The following KCNQ4 variants were observed in gnomAD, a reference collection of about 807,000 sequenced individuals.
KCNQ4 encodes potassium voltage-gated channel subfamily KQT member 4.
A neutral mutation model predicts 72.6 loss-of-function variants in KCNQ4; 31 were observed. The ratio of observed to expected loss-of-function variants is 0.43; its 90% CI spans 0.32 to 0.58. The LOEUF is 0.58. KCNQ4 is among the 20% of genes least tolerant of loss of function. KCNQ4 has a pLI of 0.08. For synonymous variants in KCNQ4, 405 were observed against 403.7 expected, an observed-to-expected ratio of 1.00 and a Z score of -0.04; for missense variants, 869 against 962.6, an observed-to-expected ratio of 0.90 and a Z score of 1.29.
At chr1:40,805,074 G>T (rs1381772560) in intron 1 of KCNQ4, 3 of 152,194 alleles carry the variant, frequency 2.0e-5, no homozygotes, top group African/African-American at 7.2e-5. Context: ...GTGTTGACCA[G>T]TAGTGGGATC....
Position 40,838,564 on chromosome 1 carries a change from G to T in KCNQ4, c.*41G>T, listed in dbSNP as rs1315628819. ...CAGGGCAGCACACGGCCAGCCCCGC[G>T]GCCTGGCGCTCCGACTGCCCTCTGA... On this transcript the variant is annotated 3_prime_UTR_variant, in exon 14 of 14. Coordinates refer to ENST00000347132, the MANE Select transcript of KCNQ4 (RefSeq NM_004700.4). The T allele has an allele frequency of 4.4e-6, 7 of 1,587,110 alleles. No individual in the cohort carries two copies. Among genetic ancestry groups the T allele is most frequent in the Non-Finnish European group, 6.1e-6 (7 of 1,155,792 alleles).
intron 8 of KCNQ4, among the ~76,000 whole-genome samples, chr1:40,823,710 C>T (rs1212179332): frequency 6.6e-6 from 1 of 152,228 alleles, no homozygotes; most frequent in Non-Finnish European, 1.5e-5. Flanking sequence ...CACCCTGTCA[C>T]ACCGCCCTCC....
rs750995190 is a variant in KCNQ4, at chr1:40,837,701, G to A, written c.1782G>A (p.Arg594=). The change falls in exon 13 of 14, where the codon AGG becomes AGA. Residue 594 remains arginine, a synonymous_variant. Coordinates refer to ENST00000347132, the MANE Select transcript of KCNQ4 (RefSeq NM_004700.4). ...TTGTGGGTCGGGGGCCCGGGGACAGGAAGGCCCGGGAGAAGGGCGACAAGG... is the reference window on the plus strand; with the variant it reads ...TTGTGGGTCGGGGGCCCGGGGACAGAAAGGCCCGGGAGAAGGGCGACAAGG... ...DQIVGRGPGD[R]KAREKGDKGP... 4.3e-6 allele frequency: 7 copies of A among 1,613,502 alleles called. No individual in the cohort carries two copies. In the South Asian group the frequency reaches 6.6e-5, roughly 15 times the overall value.
Position 40,824,171 on chromosome 1 carries a change from C to T in KCNQ4, c.1205C>T (p.Ala402Val), listed in dbSNP as rs201832976. ...GGLRPLEVRR[A>V]PVPDGAPSRY... ...CTACGGCCCCTGGAGGTGCGGCGGG[C>T]GCCGGTACCCGACGGAGCACCCTCC... Residue 402 changes from alanine to valine, a missense_variant, in exon 9 of 14, where the codon GCG becomes GTG. Ala to Val is a moderately conservative substitution (Grantham distance 64). Transcript: ENST00000347132. The T allele has an allele frequency of 2.1e-5, 32 of 1,556,210 alleles. No homozygotes were observed. Among genetic ancestry groups the T allele is most frequent in the East Asian group, 4.9e-5 (2 of 41,196 alleles).
chr1:40,828,055 G>A (rs1648536196), intron 9 of KCNQ4, among the ~76,000 whole-genome samples: 1 of 152,226 alleles, frequency 6.6e-6, no homozygotes, highest in South Asian at 2.1e-4. Flanking sequence ...CCATGGCAGA[G>A]GCCAGTGGCG....
chr1:40,802,390 A>G (rs1314091956), intron 1 of KCNQ4, among the ~76,000 whole-genome samples: 3 of 152,122 alleles, frequency 2.0e-5, no homozygotes, highest in Non-Finnish European at 4.4e-5. Context: ...GAAACGGAAA[A>G]AGTAGCCGGC....
rs7519431 is a variant in KCNQ4 at position 40,791,938 on chromosome 1, G to A, written c.314+7531G>A. Among the ~76,000 whole-genome samples the A allele has an allele frequency of 1.7e-3, 252 of 152,044 alleles. 4 individuals are homozygous for A. The South Asian group carries it at 0.022, about 13-fold the overall frequency. The stretch of plus-strand genomic sequence containing the variant: ...TAGCCGGGCTGGACAACATTTACTC[G>A]AATTGTCCCTATCAAGCAAGGAATG... On this transcript the variant is annotated intron_variant, in intron 1 of 13. Transcript: ENST00000347132.
rs1340104711 is a variant in KCNQ4 at position 40,837,665 on chromosome 1, G to A, written c.1746G>A (p.Arg582=). The part of the protein sequence containing the change: ...MLGRIKSLQT[R]VDQIVGRGPG... ...CCTCTGATGGTTCCCTTACCCTTAG[G>A]GTGGACCAAATTGTGGGTCGGGGGC... The change falls in exon 13 of 14, where the codon CGG becomes CGA. Residue 582 remains arginine, a splice_region_variant and synonymous_variant. Coordinates refer to ENST00000347132, the MANE Select transcript of KCNQ4 (RefSeq NM_004700.4). 1.2e-6 allele frequency: 2 copies of A among 1,613,310 alleles called. No homozygotes were observed. Among genetic ancestry groups the A allele is most frequent in the African/African-American group, 1.3e-5 (1 of 75,034 alleles).
chr1:40,833,921 A>T (rs977055613), intron 11 of KCNQ4, among the ~76,000 whole-genome samples: 2 of 151,754 alleles, frequency 1.3e-5, no homozygotes, highest in Admixed American at 1.3e-4. Flanking sequence ...AGGTGGAAGG[A>T]TGGCTTGAGT....
In KCNQ4 at chr1:40,818,535, T is replaced by C; in HGVS notation, c.563T>C (p.Val188Ala). The C allele has an allele frequency of 6.2e-7, 1 of 1,602,368 alleles. No homozygotes were observed. The highest frequency in any genetic ancestry group is 8.5e-7 in the Non-Finnish European group (1 of 1,179,810). ...ATCGTGTTCGTGGCCTCGGTGGCCG[T>C]CATCGCCGCGGGTACCCAGGGCAAC... The part of the protein sequence containing the change: ...DFIVFVASVA[V>A]IAAGTQGNIF... Residue 188 changes from valine (V) to alanine (A), a missense_variant, in exon 4 of 14, where the codon GTC (valine) becomes GCC (alanine). Physicochemically the swap from Val to Ala is moderately conservative, Grantham distance 64 (BLOSUM62 0). Transcript: ENST00000347132.
intron 8 of KCNQ4, 53 bp from the exon 9 acceptor site, chr1:40,824,044 G>A: frequency 6.5e-7 from 1 of 1,542,694 alleles, no homozygotes; most frequent in South Asian, 1.2e-5. Flanking sequence ...CCCACTGGGT[G>A]AGGGGGGTGG....
intron 1 of KCNQ4, among the ~76,000 whole-genome samples, chr1:40,786,587 T>A (rs1479747116): frequency 6.6e-6 from 1 of 152,182 alleles, no homozygotes; most frequent in Admixed American, 6.5e-5. Context: ...AGGGAATTGG[T>A]CACCCATCTT....
In KCNQ4 at chr1:40,830,851, G is replaced by A. The variant is rs1294413292; in HGVS notation, c.1293-233G>A. Among the ~76,000 whole-genome samples the A allele has an allele frequency of 2.6e-5, 4 of 152,164 alleles. No homozygotes were observed. In the East Asian group the frequency reaches 7.7e-4, roughly 29 times the overall value. On this transcript the variant is annotated intron_variant, in intron 9 of 13. Transcript: ENST00000347132. ...CACCCCTTATCTGTCCGGGTGATGA[G>A]GGGTGGGATGTGGGTGGTGGGGAGA...
At chr1:40,795,328 C>G (rs1268392789) in intron 1 of KCNQ4, among the ~76,000 whole-genome samples, 1 of 143,120 alleles carries the variant, frequency 7.0e-6, no homozygotes, top group Non-Finnish European at 1.5e-5. Flanking sequence ...GTGGTGTGAT[C>G]ATGGTTCACT....
intron 8 of KCNQ4, among the ~76,000 whole-genome samples, chr1:40,823,441 G>A (rs899194571): frequency 1.3e-5 from 2 of 152,148 alleles, no homozygotes; most frequent in African/African-American, 2.4e-5. Context: ...GGGTGGGGGT[G>A]GTCAGATGGT....
In KCNQ4 at chr1:40,824,188, G is replaced by A; in HGVS notation, c.1222G>A (p.Ala408Thr). ...GCGGCGGGCGCCGGTACCCGACGGA[G>A]CACCCTCCCGTTACCCGCCCGTTGC... is the stretch of plus-strand genomic sequence containing the variant. The part of the protein sequence containing the change: ...EVRRAPVPDG[A>T]PSRYPPVATC... The change falls in exon 9 of 14, where the codon GCA (alanine) becomes ACA (threonine). Residue 408 changes from alanine (A) to threonine (T), a missense_variant. By Grantham distance (58) the Ala-to-Thr change is moderately conservative (BLOSUM62 0). This residue lies in a region of KCNQ4 where 480 missense variants were observed against 501.9 expected (regional missense o/e 0.96). Coordinates refer to ENST00000347132, the MANE Select transcript of KCNQ4 (RefSeq NM_004700.4). The A allele has an allele frequency of 1.3e-6, 2 of 1,584,826 alleles. No individual in the cohort carries two copies. Among genetic ancestry groups the A allele is most frequent in the Non-Finnish European group, 1.7e-6 (2 of 1,166,698 alleles).
intron 7 of KCNQ4, among the ~76,000 whole-genome samples, chr1:40,821,315 G>T (rs578003560): frequency 3.3e-5 from 5 of 152,328 alleles, no homozygotes; most frequent in Admixed American, 3.3e-4. Flanking sequence ...GTCTTAGGAG[G>T]GTGCCTGGCT....
chr1:40,828,773 C>T (rs1394143008), intron 9 of KCNQ4, among the ~76,000 whole-genome samples: 1 of 152,218 alleles, frequency 6.6e-6, no homozygotes, highest in East Asian at 1.9e-4. Flanking sequence ...TTTTCTTCCA[C>T]CTTCTTTTAG....
intron 1 of KCNQ4, among the ~76,000 whole-genome samples, chr1:40,786,590 C>T (rs985608469): frequency 6.6e-6 from 1 of 152,138 alleles, no homozygotes; most frequent in African/African-American, 2.4e-5. Context: ...GAATTGGTCA[C>T]CCATCTTAGA....
Sources: gnomAD v4.1 joint callset for allele counts (sites outside exome capture counted in the v4.1 genomes callset) on GRCh38, gnomAD v4.1.1 for gene constraint, gnomAD v4.1.1 regional missense constraint, MANE v1.5 for transcripts, NCBI Gene and HGNC (gene_info 2026-07-23, HGNC 2026-07-21) for gene names.